SORCS2: variants seen among roughly 807,000 people sequenced by gnomAD.
SORCS2 encodes sortilin related VPS10 domain containing receptor 2.
Under a neutral mutation model 141.6 loss-of-function variants are expected in SORCS2, and 100 were observed. That is an observed-to-expected ratio of 0.71 (90% CI 0.60 to 0.83). The LOEUF (loss-of-function observed/expected upper bound fraction) is 0.83, where lower values mean the gene tolerates loss of function less well. Among genes scored for constraint, SORCS2 ranks in the 40% least tolerant of loss-of-function variants. The pLI is 0.00. For missense variants in SORCS2, 1,646 were observed against 1,560.2 expected, an observed-to-expected ratio of 1.05 and a Z score of -0.93; for synonymous variants, 789 against 676.9, an observed-to-expected ratio of 1.17 and a Z score of -2.57.
At chr4:7,438,216 G>C (rs571236204) in intron 2 of SORCS2, among the ~76,000 whole-genome samples, 1 of 152,348 alleles carries the variant, frequency 6.6e-6, no homozygotes, top group Admixed American at 6.5e-5. Flanking sequence ...TCCATCGGGA[G>C]CTGATGGCAG....
chr4:7,237,410 C>T (rs1378885932), intron 1 of SORCS2, among the ~76,000 whole-genome samples: 1 of 152,182 alleles, frequency 6.6e-6, no homozygotes, highest in Non-Finnish European at 1.5e-5. Flanking sequence ...CAGGTGGCCA[C>T]AGTGACCCAC....
chr4:7,425,283 C>T (rs991662459), intron 2 of SORCS2, among the ~76,000 whole-genome samples: 3 of 152,218 alleles, frequency 2.0e-5, no homozygotes, highest in African/African-American at 7.2e-5. Flanking sequence ...CCTGTGTGGC[C>T]TTTGGCAAGC....
At chr4:7,293,436 A>G (rs1043388511) in intron 1 of SORCS2, among the ~76,000 whole-genome samples, 1 of 152,196 alleles carries the variant, frequency 6.6e-6, no homozygotes, top group African/African-American at 2.4e-5. Context: ...GGCTTTGTAT[A>G]GCAGCCTACA....
rs560292778 is a variant in SORCS2, at chr4:7,411,612, C to T, written c.548+15257C>T. Among the ~76,000 whole-genome samples the T allele has an allele frequency of 1.8e-4, 27 of 152,282 alleles. 1 individual carries two copies. Among genetic ancestry groups the T allele is most frequent in the South Asian group, 8.3e-4 (4 of 4,820 alleles). The stretch of plus-strand genomic sequence containing the variant: ...ATCATCTTAACCATCCACCCATCAT[C>T]CACCCCTCCATCCACCTACCTGCCT... On this transcript the variant is annotated intron_variant, in intron 2 of 26. Transcript: ENST00000507866.
intron 3 of SORCS2, among the ~76,000 whole-genome samples, chr4:7,593,726 T>C (rs1182432937): frequency 6.6e-6 from 1 of 152,156 alleles, no homozygotes; most frequent in Non-Finnish European, 1.5e-5. Flanking sequence ...CAGGCAGGGG[T>C]GCCGCTTGCC....
intron 1 of SORCS2, among the ~76,000 whole-genome samples, chr4:7,324,575 A>G (rs1257594027): frequency 6.6e-6 from 1 of 152,182 alleles, no homozygotes; most frequent in East Asian, 1.9e-4. Context: ...CTTTAATTAC[A>G]GTGAAAAGCA....
chr4:7,414,561 C>G (rs1023912892), intron 2 of SORCS2, among the ~76,000 whole-genome samples: 1 of 152,004 alleles, frequency 6.6e-6, no homozygotes, highest in Admixed American at 6.5e-5. Flanking sequence ...CTCTCGGCCA[C>G]GAGGAAGGGG....
In SORCS2 at chr4:7,704,214, A is replaced by G; in HGVS notation, c.1798A>G (p.Asn600Asp). Reference protein sequence around the residue: ...VDEGLTWSTHNFTSTSVFVDG... With the variant: ...VDEGLTWSTHDFTSTSVFVDG... ...CGAGGGCCTCACCTGGAGCACGCAC[A>G]ACTTCACCAGCACCTCGGTGTTTGT... The change falls in exon 14 of 27, where the codon AAC becomes GAC. Residue 600 changes from asparagine to aspartate, a missense_variant. Transcript: ENST00000507866. The G allele has an allele frequency of 6.2e-7, 1 of 1,613,188 alleles. No homozygotes were observed. The highest frequency in any genetic ancestry group is 1.1e-5 in the South Asian group (1 of 90,722).
intron 2 of SORCS2, among the ~76,000 whole-genome samples, chr4:7,487,989 G>A (rs1212786037): frequency 6.6e-6 from 1 of 152,172 alleles, no homozygotes; most frequent in Non-Finnish European, 1.5e-5. Context: ...CAAGTGCTGG[G>A]CTTTCTTCCC....
At chr4:7,442,569 C>T (rs1244292273) in intron 2 of SORCS2, among the ~76,000 whole-genome samples, 117 of 103,012 alleles carry the variant, frequency 1.1e-3, no homozygotes, top group African/African-American at 5.1e-3. Flanking sequence ...CCCAGGTCGT[C>T]ATCCACCTCC....
In SORCS2 at chr4:7,470,122, G is replaced by A. The variant is rs1260027810; in HGVS notation, c.549-61408G>A. On this transcript the variant is annotated intron_variant, in intron 2 of 26. Transcript: ENST00000507866. ...GAAAGGGGGCCCAGATTGTTTCATT[G>A]AACTGTCCAGGGTCAAACAGTGAGT... Among the ~76,000 whole-genome samples the A allele has an allele frequency of 3.9e-5, 6 of 152,076 alleles. No individual in the cohort carries two copies. The East Asian group carries it at 1.2e-3, about 29-fold the overall frequency.
chr4:7,218,071 G>T (rs1431021755), intron 1 of SORCS2, among the ~76,000 whole-genome samples: 1 of 152,176 alleles, frequency 6.6e-6, no homozygotes, highest in East Asian at 1.9e-4. Context: ...TGGCCAGGGT[G>T]GGCAGAGCTG....
chr4:7,587,077 G>T (rs1716585489), intron 3 of SORCS2, among the ~76,000 whole-genome samples: 1 of 151,982 alleles, frequency 6.6e-6, no homozygotes, highest in Non-Finnish European at 1.5e-5. Context: ...GCCCTGGGAG[G>T]TAGGGAGCTC....
intron 9 of SORCS2, 83 bp from the exon 10 acceptor site, chr4:7,682,660 G>A: frequency 7.1e-7 from 1 of 1,400,394 alleles, no homozygotes; most frequent in Non-Finnish European, 9.7e-7. Context: ...GAGCACTTTA[G>A]CAAGGGGCTG....
chr4:7,504,946 T>C (rs1247514007), intron 2 of SORCS2, among the ~76,000 whole-genome samples: 1 of 152,190 alleles, frequency 6.6e-6, no homozygotes, highest in Non-Finnish European at 1.5e-5. Flanking sequence ...CTGTCATGCA[T>C]GATGCTTCTT....
At chr4:7,647,113 C>T (rs975678992) in intron 4 of SORCS2, among the ~76,000 whole-genome samples, 1 of 152,148 alleles carries the variant, frequency 6.6e-6, no homozygotes, top group African/African-American at 2.4e-5. Flanking sequence ...TAGGGATGCT[C>T]CAGGCAGAGG....
intron 3 of SORCS2, among the ~76,000 whole-genome samples, chr4:7,567,548 G>A (rs563125304): frequency 1.4e-4 from 21 of 152,102 alleles, no homozygotes; most frequent in Non-Finnish European, 2.2e-4. Context: ...TGTCCCCATC[G>A]CATCACACCA....
chr4:7,684,408 G>A (rs1043184274), intron 10 of SORCS2, among the ~76,000 whole-genome samples: 11 of 152,234 alleles, frequency 7.2e-5, no homozygotes, highest in African/African-American at 1.4e-4. Flanking sequence ...CTCTTTCTAC[G>A]CTGTCCCCAA....
intron 4 of SORCS2, among the ~76,000 whole-genome samples, chr4:7,642,349 G>T (rs149600959): frequency 2.0e-5 from 3 of 152,170 alleles, no homozygotes; most frequent in Non-Finnish European, 4.4e-5. Flanking sequence ...TTATTTTCCC[G>T]CAGAAATTGA....
Sources: allele counts gnomAD v4.1 joint callset (sites outside exome capture counted in the v4.1 genomes callset), GRCh38; gene constraint gnomAD v4.1.1; transcripts MANE v1.5; gene names NCBI Gene and HGNC (gene_info 2026-07-23, HGNC 2026-07-21).